The following PHGDH variants were observed in gnomAD, a reference collection of about 807,000 sequenced individuals.
The protein encoded by PHGDH is phosphoglycerate dehydrogenase, also known as D-3-phosphoglycerate dehydrogenase.
In PHGDH, 50 loss-of-function variants were observed where a neutral mutation model predicts 52.6. The ratio of observed to expected loss-of-function variants is 0.95; its 90% CI spans 0.76 to 1.20. The LOEUF is 1.20. Among genes scored for constraint, PHGDH ranks in the 50% most tolerant of loss-of-function variants. The probability of loss-of-function intolerance (pLI) is 0.00; values close to 1 mark genes in which losing one functional copy is unlikely to be tolerated. For synonymous variants in PHGDH, 271 were observed against 280.5 expected (o/e 0.97, Z 0.34); for missense variants, 630 against 684.6 (o/e 0.92, Z 0.89).
In PHGDH at chr1:119,735,312, A is replaced by C. The variant is rs1264154295; in HGVS notation, c.661A>C (p.Thr221Pro). The C allele has an allele frequency of 1.9e-6, 3 of 1,614,094 alleles. No individual in the cohort carries two copies. The South Asian group carries it at 3.3e-5, about 18-fold the overall frequency. Residue 221 changes from threonine (T) to proline (P), a missense_variant, in exon 7 of 12, where the codon ACC becomes CCC. Physicochemically the swap from Thr to Pro is conservative, Grantham distance 38 (BLOSUM62 -1). Coordinates refer to ENST00000641023, the MANE Select transcript of PHGDH (RefSeq NM_006623.4). ...TCTTCCAGGCTTGCTGAATGACAAC[A>C]CCTTTGCCCAGTGCAAGAAGGGGGT... Reference protein sequence around the residue: ...PSTTGLLNDNTFAQCKKGVRV... With the variant: ...PSTTGLLNDNPFAQCKKGVRV...
chr1:119,727,310 C>G lies in PHGDH; in HGVS notation c.510+208C>G, dbSNP rs772537961. 138 of 598,616 alleles carry G rather than the reference C, an allele frequency of 2.3e-4. 1 individual carries two copies. Among genetic ancestry groups the G allele is most frequent in the Non-Finnish European group, 3.7e-4 (122 of 333,720 alleles). 37.1% of individuals were successfully genotyped at this position (598,616 alleles called of 1,614,324 possible). ...AAGCTGGAAATACTTGGTGGGGGTCCTTTAGCTCTCTGGTGAGTGAATAGC... is the reference window on the plus strand; with the variant it reads ...AAGCTGGAAATACTTGGTGGGGGTCGTTTAGCTCTCTGGTGAGTGAATAGC... On this transcript the variant is annotated intron_variant, in intron 5 of 11. Coordinates refer to ENST00000641023, the MANE Select transcript of PHGDH (RefSeq NM_006623.4).
chr1:119,736,743 A>G (rs980397710), intron 7 of PHGDH, among the ~76,000 whole-genome samples: 9 of 152,234 alleles, frequency 5.9e-5, no homozygotes, highest in Non-Finnish European at 8.8e-5. Flanking sequence ...AGTAGCTCCT[A>G]TTGGTCAAGG....
chr1:119,712,011 C>T lies in PHGDH; in HGVS notation c.-12C>T. 6.2e-7 allele frequency: 1 copy of T among 1,613,852 alleles called. No individual in the cohort carries two copies. The highest frequency in any genetic ancestry group is 1.1e-5 in the South Asian group (1 of 91,068). On this transcript the variant is annotated 5_prime_UTR_variant, in exon 1 of 12. Transcript: ENST00000641023. ...CTACTCACAGCGGCCGATTCCGAGGCCAACTCCAGCAATGGCTTTTGCAAA... is the reference window on the plus strand; with the variant it reads ...CTACTCACAGCGGCCGATTCCGAGGTCAACTCCAGCAATGGCTTTTGCAAA...
intron 1 of PHGDH, among the ~76,000 whole-genome samples, chr1:119,712,824 C>T (rs1288732058): frequency 5.9e-5 from 9 of 152,170 alleles, no homozygotes; most frequent in Admixed American, 4.6e-4. Context: ...GTGCTTTCGC[C>T]GCCCCTCTGC....
chr1:119,718,264 C>T (rs1478478005), intron 1 of PHGDH, among the ~76,000 whole-genome samples: 1 of 152,218 alleles, frequency 6.6e-6, no homozygotes, highest in Non-Finnish European at 1.5e-5. Flanking sequence ...CAGCTTCTGC[C>T]ATATCCTAGC....
intron 7 of PHGDH, 59 bp downstream of exon 7, chr1:119,735,502 C>T (rs925703405): frequency 6.5e-7 from 1 of 1,532,612 alleles, no homozygotes; most frequent in African/African-American, 1.4e-5. Flanking sequence ...CAGAGAGGCC[C>T]ATGGCAGGGA....
At chr1:119,728,387 T>C (rs1023345855) in intron 5 of PHGDH, among the ~76,000 whole-genome samples, 9 of 152,228 alleles carry the variant, frequency 5.9e-5, no homozygotes, top group Admixed American at 3.3e-4. Context: ...CCATTGTCCA[T>C]CTGTCCTTCC....
intron 2 of PHGDH, 180 bp downstream of exon 2, chr1:119,721,501 G>A: frequency 1.6e-6 from 1 of 617,630 alleles, no homozygotes; most frequent in Non-Finnish European, 2.8e-6. Context: ...CAAGGTTTTT[G>A]GAAGGCAGCT....
At chr1:119,712,212 A>C in intron 1 of PHGDH, 52 bp downstream of exon 1, 6 of 1,561,708 alleles carry the variant, frequency 3.8e-6, no homozygotes, top group Non-Finnish European at 5.3e-6. Flanking sequence ...CCATGGAAAA[A>C]GGCTGGCTGC....
chr1:119,725,461 C>G (rs1483371153), intron 3 of PHGDH, among the ~76,000 whole-genome samples: 1 of 152,212 alleles, frequency 6.6e-6, no homozygotes, highest in Non-Finnish European at 1.5e-5. Context: ...ATCAGGCAAG[C>G]TTTCCCAAGA....
intron 8 of PHGDH, 121 bp from the exon 9 acceptor site, chr1:119,740,265 A>T (rs1231112473): frequency 7.2e-6 from 7 of 966,586 alleles, no homozygotes; most frequent in Admixed American, 1.9e-5. Flanking sequence ...CCCACCAGGC[A>T]CCAAGGCAGG....
Position 119,742,965 on chromosome 1 carries a change from A to T in PHGDH, c.1368A>T (p.Glu456Asp). The T allele has an allele frequency of 6.2e-7, 1 of 1,614,184 alleles. No individual in the cohort carries two copies. Among genetic ancestry groups the T allele is most frequent in the Non-Finnish European group, 8.5e-7 (1 of 1,179,974 alleles). The change falls in exon 11 of 12, where the codon GAA becomes GAT. Residue 456 changes from glutamate (E) to aspartate (D), a missense_variant. Physicochemically the swap from Glu to Asp is conservative, Grantham distance 45. Transcript: ENST00000641023. ...TCAATGGAGCTGTCTTCAGGCCAGA[A>T]GTGCCTCTCCGCAGGGACCTGCCCC... ...QGLNGAVFRP[E>D]VPLRRDLPLL... is the part of the protein sequence containing the mutation.
At chr1:119,728,923 G>A (rs926693010) in intron 5 of PHGDH, among the ~76,000 whole-genome samples, 1 of 152,178 alleles carries the variant, frequency 6.6e-6, no homozygotes, top group Non-Finnish European at 1.5e-5. Flanking sequence ...CCTTCTTAGA[G>A]TTAGAAGGGA....
intron 8 of PHGDH, 196 bp from the exon 9 acceptor site, chr1:119,740,190 C>T (rs181823698): frequency 1.7e-6 from 1 of 604,208 alleles, no homozygotes; most frequent in African/African-American, 1.8e-5. Context: ...TTTCTGGCTC[C>T]ACAGCTTTCT....
Position 119,734,697 on chromosome 1 carries a change from C to A in PHGDH, c.574C>A (p.Pro192Thr). Reference sequence around the variant, plus strand: ...GGCCTCCTTTGGTGTTCAGCAGCTGCCCCTGGAGGAGATCTGGCCTCTCTG... The same window carrying A: ...GGCCTCCTTTGGTGTTCAGCAGCTGACCCTGGAGGAGATCTGGCCTCTCTG... ...VSASFGVQQL[P>T]LEEIWPLCDF... Residue 192 changes from proline (P) to threonine (T), a missense_variant, in exon 6 of 12, where the codon CCC (proline) becomes ACC (threonine). Coordinates refer to ENST00000641023, the MANE Select transcript of PHGDH (RefSeq NM_006623.4). The A allele has an allele frequency of 1.9e-6, 3 of 1,614,050 alleles. No homozygotes were observed. Among genetic ancestry groups the A allele is most frequent in the Non-Finnish European group, 2.5e-6 (3 of 1,179,864 alleles).
chr1:119,733,850 G>A (rs762369912), intron 5 of PHGDH, among the ~76,000 whole-genome samples: 1 of 152,148 alleles, frequency 6.6e-6, no homozygotes, highest in Admixed American at 6.5e-5. Flanking sequence ...GGTTAAGGGG[G>A]ATTTCTCTTC....
intron 2 of PHGDH, chr1:119,721,606 C>G: frequency 2.7e-6 from 1 of 372,238 alleles, no homozygotes; most frequent in Non-Finnish European, 4.9e-6. Context: ...ACGAGCCCAC[C>G]CCATGCGCAG....
chr1:119,721,523 T>C (rs985114828), intron 2 of PHGDH: 3 of 577,796 alleles, frequency 5.2e-6, no homozygotes, highest in Non-Finnish European at 9.2e-6. Context: ...TGCTCACCAC[T>C]ATATCACCAA....
At position 119,737,186 on chromosome 1, in the gene PHGDH, A is replaced by G. The variant is rs1651977714; in HGVS notation, c.865A>G (p.Lys289Glu). ...CTGTCCCCACCTGGGTGCCAGCACC[A>G]AGGAGGCTCAGAGCCGCTGTGGGGA... ...ISCPHLGAST[K>E]EAQSRCGEEI... The change falls in exon 8 of 12, where the codon AAG becomes GAG. Residue 289 changes from lysine (K) to glutamate (E), a missense_variant. Lys to Glu is a moderately conservative substitution (Grantham distance 56). Coordinates refer to ENST00000641023, the MANE Select transcript of PHGDH (RefSeq NM_006623.4). The G allele has an allele frequency of 6.2e-7, 1 of 1,613,870 alleles. No individual in the cohort carries two copies. Among genetic ancestry groups the G allele is most frequent in the Non-Finnish European group, 8.5e-7 (1 of 1,179,706 alleles).
Sources: gnomAD v4.1 joint callset for allele counts (sites outside exome capture counted in the v4.1 genomes callset) on GRCh38, gnomAD v4.1.1 for gene constraint, MANE v1.5 for transcripts, NCBI Gene and HGNC (gene_info 2026-07-23, HGNC 2026-07-21) for gene names.